RNF170: variants seen among roughly 807,000 people sequenced by gnomAD.
The protein encoded by RNF170 is E3 ubiquitin-protein ligase RNF170.
In RNF170, 12 loss-of-function variants were observed where a neutral mutation model predicts 32.7. That is an observed-to-expected ratio of 0.37 (90% CI 0.24 to 0.60). The LOEUF is 0.60. Ranked by LOEUF, RNF170 falls within the 20% of genes least tolerant of loss-of-function variation. The pLI is 0.72. For missense variants in RNF170, 212 were observed against 311.2 expected, an observed-to-expected ratio of 0.68 and a Z score of 2.40; for synonymous variants, 91 against 103.6, an observed-to-expected ratio of 0.88 and a Z score of 0.74.
At chr8:42,896,385 G>C in intron 1 of RNF170, 99 bp downstream of exon 1, 2 of 441,430 alleles carry the variant, frequency 4.5e-6, no homozygotes, top group Non-Finnish European at 9.1e-6. Context: ...GCCCCGCAGA[G>C]CCTCGGCGGC....
Position 42,896,490 on chromosome 8 carries a change from A to G in RNF170, c.-14T>C, listed in dbSNP as rs767408538. Reference sequence around the variant, plus strand: ...CGCCGCGCGCCGGACGTACCTCTCCACCGCGAAGGAACTACCTCGCCAGTT... The same window carrying G: ...CGCCGCGCGCCGGACGTACCTCTCCGCCGCGAAGGAACTACCTCGCCAGTT... On this transcript the variant is annotated 5_prime_UTR_variant, in exon 1 of 7. Coordinates refer to ENST00000527424, the MANE Select transcript of RNF170 (RefSeq NM_030954.4). 4 of 453,804 alleles carry G rather than the reference A, an allele frequency of 8.8e-6. No homozygotes were observed. Among genetic ancestry groups the G allele is most frequent in the South Asian group, 3.1e-5 (2 of 64,464 alleles). 28.1% of individuals were successfully genotyped at this position (453,804 alleles called of 1,614,324 possible). A position where few individuals can be genotyped will look rare whatever the true frequency, so the allele number is the denominator to read the frequency against.
Position 42,855,145 on chromosome 8 carries a change from A to C in RNF170, c.*1014T>G, listed in dbSNP as rs1284351762. 5 of 1,286,928 alleles carry C rather than the reference A, an allele frequency of 3.9e-6. No individual in the cohort carries two copies. In the Admixed American group the frequency reaches 1.1e-4, roughly 30 times the overall value. 79.7% of individuals were successfully genotyped at this position (1,286,928 alleles called of 1,614,324 possible). On this transcript the variant is annotated 3_prime_UTR_variant, in exon 7 of 7. Transcript: ENST00000527424. ...AATCTTCCCTTTACAAATTACTTTT[A>C]TATCTACTACGAAAGGATGAGCTCT...
At chr8:42,866,596 A>C (rs1804101537) in intron 4 of RNF170, among the ~76,000 whole-genome samples, 2 of 152,272 alleles carry the variant, frequency 1.3e-5, no homozygotes, top group South Asian at 4.1e-4. Context: ...AAAAAAAAAA[A>C]AAACTAGTAC....
chr8:42,871,896 A>G (rs1186312586), intron 3 of RNF170, among the ~76,000 whole-genome samples: 1 of 152,220 alleles, frequency 6.6e-6, no homozygotes, highest in African/African-American at 2.4e-5. Context: ...GACAAAAAAC[A>G]ATTAACGGTG....
chr8:42,863,775 C>T (rs1803851863), intron 5 of RNF170, among the ~76,000 whole-genome samples: 1 of 152,176 alleles, frequency 6.6e-6, no homozygotes, highest in African/African-American at 2.4e-5. Flanking sequence ...TGTCACGCAT[C>T]AAATCAGCCA....
chr8:42,850,742 C>G (rs1432099045), downstream of RNF170: 2 of 1,549,804 alleles, frequency 1.3e-6, no homozygotes, highest in Non-Finnish European at 8.7e-7. Context: ...TACTTTTGCA[C>G]TACTTTTGCA....
At chr8:42,869,881 G>T in intron 4 of RNF170, 123 bp downstream of exon 4, 1 of 723,592 alleles carries the variant, frequency 1.4e-6, no homozygotes, top group Non-Finnish European at 2.5e-6. Context: ...GATATCAGAG[G>T]TAATCTACCC....
chr8:42,869,618 C>T (rs1250770358), intron 4 of RNF170, among the ~76,000 whole-genome samples: 2 of 152,126 alleles, frequency 1.3e-5, no homozygotes, highest in Non-Finnish European at 2.9e-5. Flanking sequence ...AGAGAAGAAC[C>T]TTCCTGCCCT....
intron 3 of RNF170, among the ~76,000 whole-genome samples, chr8:42,870,585 G>A (rs1804449658): frequency 6.6e-6 from 1 of 152,104 alleles, no homozygotes; most frequent in African/African-American, 2.4e-5. Flanking sequence ...AAATTAGCCA[G>A]GAGTGGTGGT....
At chr8:42,868,717 T>G (rs1804299429) in intron 4 of RNF170, among the ~76,000 whole-genome samples, 2 of 152,124 alleles carry the variant, frequency 1.3e-5, no homozygotes, top group South Asian at 4.2e-4. Context: ...CTGGGCATGG[T>G]GGCAGGCGCC....
At chr8:42,896,056 T>G (rs1563281638) in intron 1 of RNF170, 1 of 185,370 alleles carries the variant, frequency 5.4e-6, no homozygotes, top group Non-Finnish European at 1.1e-5. Context: ...TCTAAAGAGG[T>G]GGAAGCTCCA....
chr8:42,887,982 G>A, intron 1 of RNF170, 111 bp from the exon 2 acceptor site: 2 of 999,168 alleles, frequency 2.0e-6, no homozygotes, highest in Non-Finnish European at 1.5e-6. Context: ...GTTTCTGATA[G>A]GCTGCAATTA....
rs920979110 is a variant in RNF170 at position 42,854,528 on chromosome 8, T to C, written c.*1631A>G. Reference sequence around the variant, plus strand: ...TATAATGTGCTATGTTTAAGCATTATTGTTTTTCTCTATGACAAGCAACAG... The same window carrying C: ...TATAATGTGCTATGTTTAAGCATTACTGTTTTTCTCTATGACAAGCAACAG... On this transcript the variant is annotated 3_prime_UTR_variant, in exon 7 of 7. Coordinates refer to ENST00000527424, the MANE Select transcript of RNF170 (RefSeq NM_030954.4). 6 of 1,286,968 alleles carry C rather than the reference T, an allele frequency of 4.7e-6. No individual in the cohort carries two copies. The African/African-American group carries it at 6.1e-5, about 13-fold the overall frequency. The allele number at this position is 1,286,968 out of a possible 1,614,324, so 79.7% of individuals were successfully genotyped here.
At chr8:42,869,922 A>G in intron 4 of RNF170, 82 bp downstream of exon 4, 1 of 949,374 alleles carries the variant, frequency 1.1e-6, no homozygotes, top group Non-Finnish European at 1.7e-6. Context: ...TGACAAAGAG[A>G]AAATTGGGAA....
rs146034635 is a variant in RNF170 at position 42,874,739 on chromosome 8, A to C, written c.138-733T>G. On this transcript the variant is annotated intron_variant, in intron 2 of 6. Transcript: ENST00000527424. ...CCTGGGCCAACAACAGTGAGACTCC[A>C]TCTCAAAAAAAAACAAAAGGAAGAA... Among the ~76,000 whole-genome samples the C allele has an allele frequency of 8.0e-3, 1,205 of 150,684 alleles. 17 individuals are homozygous for C. Among genetic ancestry groups the C allele is most frequent in the African/African-American group, 0.027 (1,118 of 41,096 alleles).
At chr8:42,859,576 G>A (rs1222175096) in intron 6 of RNF170, among the ~76,000 whole-genome samples, 3 of 152,164 alleles carry the variant, frequency 2.0e-5, no homozygotes, top group Admixed American at 1.3e-4. Flanking sequence ...GCAGTGAGCC[G>A]TGATCACACC....
intron 4 of RNF170, among the ~76,000 whole-genome samples, chr8:42,869,086 T>G (rs1484714394): frequency 6.6e-6 from 1 of 151,842 alleles, no homozygotes; most frequent in Non-Finnish European, 1.5e-5. Flanking sequence ...AATTTCTTAT[T>G]TTTTGTGGAG....
chr8:42,851,047 T>C (rs929947861), downstream of RNF170: 12 of 1,545,528 alleles, frequency 7.8e-6, no homozygotes, highest in African/African-American at 1.4e-5. Context: ...TTAGATCATG[T>C]CTTCCCACTG....
downstream of RNF170, chr8:42,850,730 CCTACTTTTGCA>C (rs780139498): frequency 1.8e-4 from 281 of 1,548,112 alleles, 2 homozygotes; most frequent in Middle Eastern, 1.0e-3. Context: ...AGGGTCACTG[CCTACTTTTGCA>C]CTACTTTTGC....
Sources: gnomAD v4.1 joint callset for allele counts (sites outside exome capture counted in the v4.1 genomes callset) on GRCh38, gnomAD v4.1.1 for gene constraint, MANE v1.5 for transcripts, NCBI Gene and HGNC (gene_info 2026-07-23, HGNC 2026-07-21) for gene names.